Variants in SHOC1 observed in about 807,000 individuals in gnomAD.
SHOC1 encodes shortage in chiasmata 1, also known as protein shortage in chiasmata 1 ortholog.
Under a neutral mutation model 179.2 loss-of-function variants are expected in SHOC1, and 136 were observed. The observed-to-expected ratio is 0.76, with a 90% CI of 0.66 to 0.87. The LOEUF is 0.87. SHOC1 is among the 40% of genes least tolerant of loss of function. The pLI, the probability that SHOC1 is intolerant of heterozygous loss-of-function variation, is 0.00. For synonymous variants in SHOC1, 489 were observed against 586.6 expected, an observed-to-expected ratio of 0.83 and a Z score of 2.41; for missense variants, 1,538 against 1,700.8, an observed-to-expected ratio of 0.90 and a Z score of 1.68.
At chr9:111,728,118 A>G in intron 12 of SHOC1, 69 bp from the exon 13 acceptor site, 1 of 1,127,008 alleles carries the variant, frequency 8.9e-7, no homozygotes, top group Non-Finnish European at 1.2e-6. Context: ...AGGTATTTGA[A>G]TAACTTTTAG....
chr9:111,728,801 G>C (rs1833427068), intron 12 of SHOC1, among the ~76,000 whole-genome samples: 1 of 152,180 alleles, frequency 6.6e-6, no homozygotes, highest in Non-Finnish European at 1.5e-5. Flanking sequence ...TACTTTAAAT[G>C]AGTCAATTGT....
At position 111,727,900 on chromosome 9, in the gene SHOC1, C is replaced by G; in HGVS notation, c.1567G>C (p.Gly523Arg). ...TTTGGTTTTTCTTCTTTTGCTGCTC[C>G]TTTATCAGAGAAATAGTCATCAGAA... ...CFSDDYFSDK[G>R]AAKEEKPKND... The change falls in exon 13 of 28, where the codon GGA (glycine) becomes CGA (arginine). Residue 523 changes from glycine (G) to arginine (R), a missense_variant. Physicochemically the swap from Gly to Arg is moderately radical, Grantham distance 125. Coordinates refer to ENST00000682961, the MANE Select transcript of SHOC1 (RefSeq NM_001378211.1). The G allele has an allele frequency of 1.2e-6, 2 of 1,613,332 alleles. No individual in the cohort carries two copies. Among genetic ancestry groups the G allele is most frequent in the Non-Finnish European group, 1.7e-6 (2 of 1,179,690 alleles).
intron 10 of SHOC1, among the ~76,000 whole-genome samples, chr9:111,743,642 TCTATTTTA>T (rs1287051948): frequency 1.3e-5 from 2 of 152,208 alleles, no homozygotes; most frequent in East Asian, 1.9e-4. Flanking sequence ...TTATGGTCGT[TCTATTTTA>T]CTATTTTACT....
intron 3 of SHOC1, among the ~76,000 whole-genome samples, chr9:111,785,197 A>G (rs1836219850): frequency 6.6e-6 from 1 of 152,034 alleles, no homozygotes; most frequent in Non-Finnish European, 1.5e-5. Context: ...TCAGGTCTCA[A>G]CTCAAATGTC....
At chr9:111,781,623 T>G (rs959696378) in intron 3 of SHOC1, among the ~76,000 whole-genome samples, 20 of 145,130 alleles carry the variant, frequency 1.4e-4, no homozygotes, top group Non-Finnish European at 3.1e-4. Flanking sequence ...CTTGGAAGGC[T>G]GAGGCAGGAG....
chr9:111,756,269 T>C, intron 8 of SHOC1, 56 bp downstream of exon 8: 9 of 1,424,290 alleles, frequency 6.3e-6, no homozygotes, highest in Non-Finnish European at 8.4e-6. Flanking sequence ...AGAACCTATG[T>C]AACAAACATT....
At chr9:111,781,288 T>C (rs2131633347) in intron 3 of SHOC1, among the ~76,000 whole-genome samples, 1 of 152,172 alleles carries the variant, frequency 6.6e-6, no homozygotes, top group South Asian at 2.1e-4. Flanking sequence ...AGCACTACCA[T>C]CCCAAATAGT....
chr9:111,700,373 C>T (rs938857509), intron 23 of SHOC1, among the ~76,000 whole-genome samples: 16 of 145,818 alleles, frequency 1.1e-4, no homozygotes, highest in Admixed American at 3.4e-4. Flanking sequence ...ACTCCATCCC[C>T]CTGGTCAAAG....
intron 4 of SHOC1, among the ~76,000 whole-genome samples, chr9:111,779,905 C>G (rs2131629574): frequency 6.6e-6 from 1 of 152,342 alleles, no homozygotes; most frequent in South Asian, 2.1e-4. Context: ...GTAGTTAGCA[C>G]TTGACTTTTC....
intron 7 of SHOC1, 46 bp downstream of exon 7, chr9:111,758,038 G>A: frequency 1.0e-6 from 1 of 955,832 alleles, no homozygotes. Context: ...ACAAAAATGT[G>A]CCTCACTACT....
rs1002169591 is a variant in SHOC1, at chr9:111,695,831, A to G, written c.3184-1469T>C. On this transcript the variant is annotated intron_variant, in intron 24 of 27. Transcript: ENST00000682961. ...TAATGGAAATACCACTACTAAAAATAGAATGCTATAAATAGAAAGATATCT... is the reference window on the plus strand; with the variant it reads ...TAATGGAAATACCACTACTAAAAATGGAATGCTATAAATAGAAAGATATCT... Among the ~76,000 whole-genome samples the G allele has an allele frequency of 6.6e-5, 10 of 152,356 alleles. No homozygotes were observed. The South Asian group carries it at 1.0e-3, about 16-fold the overall frequency.
chr9:111,741,625 T>G, intron 10 of SHOC1, 55 bp from the exon 11 acceptor site: 1 of 927,510 alleles, frequency 1.1e-6, no homozygotes, highest in Non-Finnish European at 1.6e-6. Context: ...TTTTGTATAA[T>G]AAAATTTTAT....
At chr9:111,730,393 G>A (rs547685204) in intron 12 of SHOC1, among the ~76,000 whole-genome samples, 172 of 152,256 alleles carry the variant, frequency 1.1e-3, no homozygotes, top group African/African-American at 3.9e-3. Flanking sequence ...CTTATGAAAT[G>A]TATTTCTTAA....
chr9:111,759,142 T>A (rs1835017635), intron 5 of SHOC1: 1 of 1,588,122 alleles, frequency 6.3e-7, no homozygotes, highest in South Asian at 1.1e-5. Flanking sequence ...GAGGAAAATA[T>A]CTTATGGACT....
intron 3 of SHOC1, among the ~76,000 whole-genome samples, chr9:111,784,358 A>T (rs1054995674): frequency 1.3e-5 from 2 of 151,996 alleles, no homozygotes; most frequent in African/African-American, 4.8e-5. Flanking sequence ...CTATTTTGTG[A>T]CCCCCTCACT....
chr9:111,778,220 T>G (rs1835902289), intron 4 of SHOC1, among the ~76,000 whole-genome samples: 1 of 151,890 alleles, frequency 6.6e-6, no homozygotes, highest in Non-Finnish European at 1.5e-5. Flanking sequence ...TGGACACTGG[T>G]CTTTTCCAGG....
At position 111,718,215 on chromosome 9, in the gene SHOC1, G is replaced by A. The variant is rs763403111; in HGVS notation, c.2205C>T (p.Val735=). The change falls in exon 16 of 28, where the codon GTC becomes GTT. Residue 735 remains valine, a synonymous_variant. Transcript: ENST00000682961. ...CTGTGTCCAAGCTGCATGTTAAAAG[G>A]ACATCTCTAATTGTTACCAGAAGAT... The part of the protein sequence containing the change: ...LLHLLVTIRD[V]LLTCSLDTAL... 1 of 1,598,522 alleles carries A rather than the reference G, an allele frequency of 6.3e-7. No homozygotes were observed. Among genetic ancestry groups the A allele is most frequent in the South Asian group, 1.1e-5 (1 of 87,328 alleles).
intron 5 of SHOC1, among the ~76,000 whole-genome samples, chr9:111,762,473 T>C (rs931702059): frequency 1.3e-5 from 2 of 150,940 alleles, no homozygotes; most frequent in Non-Finnish European, 3.0e-5. Context: ...TGTGGAAAAA[T>C]CAAGCATAAA....
In SHOC1 at chr9:111,686,912, A is replaced by G. The variant is rs370754364; in HGVS notation, c.4427-42T>C. On this transcript the variant is annotated intron_variant, in intron 27 of 27. Coordinates refer to ENST00000682961, the MANE Select transcript of SHOC1 (RefSeq NM_001378211.1). ...AAGGAAAACCATTTTATTGCTTACAATAGTAAAGTATAGGTTTTTTCTTTT... is the reference window on the plus strand; with the variant it reads ...AAGGAAAACCATTTTATTGCTTACAGTAGTAAAGTATAGGTTTTTTCTTTT... 50 of 1,177,070 alleles carry G rather than the reference A, an allele frequency of 4.2e-5. No individual in the cohort carries two copies. The African/African-American group carries it at 5.1e-4, about 12-fold the overall frequency. 72.9% of individuals were successfully genotyped at this position (1,177,070 alleles called of 1,614,324 possible). A position where few individuals can be genotyped will look rare whatever the true frequency, so the allele number is the denominator to read the frequency against.
Sources: gnomAD v4.1 joint callset for allele counts (sites outside exome capture counted in the v4.1 genomes callset) on GRCh38, gnomAD v4.1.1 for gene constraint, MANE v1.5 for transcripts, NCBI Gene and HGNC (gene_info 2026-07-23, HGNC 2026-07-21) for gene names.